POU2AF1: variants seen among roughly 807,000 people sequenced by gnomAD.
POU2AF1 encodes POU class 2 homeobox associating factor 1.
A neutral mutation model predicts 26.3 loss-of-function variants in POU2AF1; 12 were observed. The observed-to-expected ratio is 0.46, with a 90% confidence interval of 0.29 to 0.74. The LOEUF is 0.74. Among genes scored for constraint, POU2AF1 ranks in the 30% least tolerant of loss-of-function variants. The pLI, the probability that POU2AF1 is intolerant of heterozygous loss-of-function variation, is 0.09. For synonymous variants in POU2AF1, 175 were observed against 148.0 expected (o/e 1.18, Z -1.32); for missense variants, 297 against 334.5 (o/e 0.89, Z 0.87).
intron 4 of POU2AF1, among the ~76,000 whole-genome samples, chr11:111,356,132 T>A (rs12786652): frequency 0.012 from 1,801 of 152,290 alleles, 23 homozygotes; most frequent in Non-Finnish European, 0.015. Flanking sequence ...TTGTTTGATA[T>A]ACAGAACCTT....
chr11:111,357,731 C>G (rs774674551), intron 3 of POU2AF1, 21 bp from the exon 4 acceptor site: 42 of 1,611,592 alleles, frequency 2.6e-5, no homozygotes, highest in Non-Finnish European at 3.5e-5. Flanking sequence ...AAGGAAATTA[C>G]AGAACTTCAG....
In POU2AF1 at chr11:111,352,720, G is replaced by A. The variant is rs12417556; in HGVS notation, c.*1541C>T. 64,835 of 168,558 alleles carry A rather than the reference G, an allele frequency of 0.38. 13,466 individuals carry two copies. Among genetic ancestry groups the A allele is most frequent in the Admixed American group, 0.48 (7,530 of 15,618 alleles). 10.4% of individuals were successfully genotyped at this position (168,558 alleles called of 1,614,324 possible). On this transcript the variant is annotated 3_prime_UTR_variant, in exon 5 of 5. Coordinates refer to ENST00000393067, the MANE Select transcript of POU2AF1 (RefSeq NM_006235.3). ...AGAGGCTGAGGCGGGCGGATCACAA[G>A]GTCAGGAGTTCGAGACCAGCCTGGC...
rs550582720 is a variant in POU2AF1 at position 111,362,199 on chromosome 11, A to G, written c.17-3281T>C. 3.3e-5 allele frequency among the ~76,000 whole-genome samples: 5 copies of G among 152,334 alleles called. No homozygotes were observed. In the South Asian group the frequency reaches 8.3e-4, roughly 25 times the overall value. On this transcript the variant is annotated intron_variant, in intron 1 of 4. Transcript: ENST00000393067. Reference sequence around the variant, plus strand: ...ATCTTTATGAGTACATAGTCAGTGTATATATTTATGGGGTACACAAGATAT... The same window carrying G: ...ATCTTTATGAGTACATAGTCAGTGTGTATATTTATGGGGTACACAAGATAT...
intron 1 of POU2AF1, among the ~76,000 whole-genome samples, chr11:111,369,303 A>G (rs1008428645): frequency 6.6e-6 from 1 of 152,224 alleles, no homozygotes; most frequent in African/African-American, 2.4e-5. Flanking sequence ...TTTGCAGCAG[A>G]TGTGAGTTTT....
rs1860749986 is a variant in POU2AF1 at position 111,352,749 on chromosome 11, C to A, written c.*1512G>T. The A allele has an allele frequency of 6.0e-6, 1 of 166,924 alleles. No individual in the cohort carries two copies. The highest frequency in any genetic ancestry group is 6.4e-5 in the Admixed American group (1 of 15,594). The allele number at this position is 166,924 out of a possible 1,614,324, so 10.3% of individuals were successfully genotyped here. A position where few individuals can be genotyped will look rare whatever the true frequency, so the allele number is the denominator to read the frequency against. On this transcript the variant is annotated 3_prime_UTR_variant, in exon 5 of 5. Coordinates refer to ENST00000393067, the MANE Select transcript of POU2AF1 (RefSeq NM_006235.3). The stretch of plus-strand genomic sequence containing the variant: ...AGGAGTTCGAGACCAGCCTGGCCAA[C>A]ATGGTGAAACCCCGTCTCTACTAAA...
chr11:111,364,642 G>A (rs562972511), intron 1 of POU2AF1, among the ~76,000 whole-genome samples: 10 of 152,344 alleles, frequency 6.6e-5, no homozygotes, highest in Admixed American at 1.3e-4. Context: ...CTCTTGTGAC[G>A]TCCCATGAGC....
intron 1 of POU2AF1, among the ~76,000 whole-genome samples, chr11:111,365,184 C>T (rs1192337177): frequency 6.6e-6 from 1 of 152,102 alleles, no homozygotes; most frequent in Non-Finnish European, 1.5e-5. Flanking sequence ...TGAGGGTAGC[C>T]CTAACAATGG....
intron 1 of POU2AF1, among the ~76,000 whole-genome samples, chr11:111,369,527 G>T (rs566773063): frequency 6.6e-6 from 1 of 152,174 alleles, no homozygotes; most frequent in African/African-American, 2.4e-5. Flanking sequence ...AGCACATATC[G>T]CATATGGAAT....
chr11:111,358,531 A>G (rs374677867), intron 2 of POU2AF1, among the ~76,000 whole-genome samples: 78 of 78,556 alleles, frequency 9.9e-4, no homozygotes, highest in African/African-American at 3.0e-3. Context: ...CACACACGCC[A>G]TCACACACAA....
At chr11:111,365,836 G>A (rs1230729880) in intron 1 of POU2AF1, among the ~76,000 whole-genome samples, 6 of 147,590 alleles carry the variant, frequency 4.1e-5, no homozygotes, top group East Asian at 2.0e-4. Flanking sequence ...CAGCCTGGGC[G>A]ACAGGAGCGA....
At chr11:111,373,392 A>G (rs1345560732) in intron 1 of POU2AF1, among the ~76,000 whole-genome samples, 4 of 152,186 alleles carry the variant, frequency 2.6e-5, no homozygotes, top group Admixed American at 6.5e-5. Context: ...AGACAATTTA[A>G]TCAGAAGCTC....
chr11:111,362,684 G>T (rs1175289413), intron 1 of POU2AF1, among the ~76,000 whole-genome samples: 6 of 152,162 alleles, frequency 3.9e-5, no homozygotes, highest in Admixed American at 3.9e-4. Flanking sequence ...GTCTTCAGTT[G>T]GGTTCTCAGC....
At chr11:111,361,608 C>A (rs955389104) in intron 1 of POU2AF1, among the ~76,000 whole-genome samples, 4 of 152,218 alleles carry the variant, frequency 2.6e-5, no homozygotes, top group Non-Finnish European at 4.4e-5. Context: ...GCCATTTCCA[C>A]CTTCCTTTCG....
chr11:111,363,334 A>G (rs995778127), intron 1 of POU2AF1: 1 of 1,024,614 alleles, frequency 9.8e-7, no homozygotes. Context: ...CAAAGTGCTC[A>G]TGAAATATCA....
Position 111,373,128 on chromosome 11 carries a change from C to T in POU2AF1, c.16+6034G>A, listed in dbSNP as rs564119233. On this transcript the variant is annotated intron_variant, in intron 1 of 4. Transcript: ENST00000393067. ...GACACCACTGTCTTACTTAAATCTA[C>T]GTTATTTCAGGTCTCTTCACCAGCA... Among the ~76,000 whole-genome samples the T allele has an allele frequency of 3.9e-5, 6 of 152,340 alleles. No individual in the cohort carries two copies. In the East Asian group the frequency reaches 5.8e-4, roughly 15 times the overall value.
Position 111,354,408 on chromosome 11 carries a change from G to T in POU2AF1, c.624C>A (p.Leu208=), listed in dbSNP as rs370412298. The T allele has an allele frequency of 1.2e-6, 2 of 1,614,100 alleles. No individual in the cohort carries two copies. Among genetic ancestry groups the T allele is most frequent in the Admixed American group, 1.7e-5 (1 of 60,008 alleles). ...PALPGPQFVQ[L]PISIPEPVLQ... ...GGACTGGCTCTGGGATAGAGATGGG[G>T]AGCTGGACAAACTGGGGCCCAGGTA... Residue 208 remains leucine, a synonymous_variant, in exon 5 of 5, where the codon CTC becomes CTA. Coordinates refer to ENST00000393067, the MANE Select transcript of POU2AF1 (RefSeq NM_006235.3).
chr11:111,359,999 G>C (rs747210392), intron 1 of POU2AF1: 1 of 519,046 alleles, frequency 1.9e-6, no homozygotes, highest in Non-Finnish European at 3.8e-6. Context: ...GGGCCAGACA[G>C]TGTCCACCTG....
intron 4 of POU2AF1, 84 bp from the exon 5 acceptor site, chr11:111,354,659 T>A: frequency 8.4e-7 from 1 of 1,190,356 alleles, no homozygotes. Flanking sequence ...GGTCTCCATC[T>A]CCCCCTTCAA....
intron 1 of POU2AF1, among the ~76,000 whole-genome samples, chr11:111,368,450 G>A (rs1413986826): frequency 1.3e-5 from 2 of 152,126 alleles, no homozygotes; most frequent in Non-Finnish European, 2.9e-5. Context: ...ACCAAGAGAA[G>A]AGGAGTCCAG....
Sources: gnomAD v4.1 joint callset for allele counts (sites outside exome capture counted in the v4.1 genomes callset) on GRCh38, gnomAD v4.1.1 for gene constraint, MANE v1.5 for transcripts, NCBI Gene and HGNC (gene_info 2026-07-23, HGNC 2026-07-21) for gene names.